Variants in CTNND2 observed in about 807,000 individuals in gnomAD.
CTNND2 encodes the protein catenin delta 2.
In CTNND2, 22 loss-of-function variants were observed where a neutral mutation model predicts 144.4. The observed-to-expected ratio is 0.15, with a 90% CI of 0.11 to 0.22. CTNND2 has a LOEUF of 0.22. Among genes scored for constraint, CTNND2 ranks in the 10% least tolerant of loss-of-function variants. The pLI, the probability that CTNND2 is intolerant of heterozygous loss-of-function variation, is 1.00. For missense variants in CTNND2, 1,353 were observed against 1,618.8 expected, an observed-to-expected ratio of 0.84 and a Z score of 2.82; for synonymous variants, 751 against 695.6, an observed-to-expected ratio of 1.08 and a Z score of -1.25.
chr5:11,899,362 T>A (rs1343219021), intron 1 of CTNND2, among the ~76,000 whole-genome samples: 1 of 152,228 alleles, frequency 6.6e-6, no homozygotes, highest in East Asian at 1.9e-4. Flanking sequence ...ATAAAGAATA[T>A]CAAAGTTTTG....
intron 7 of CTNND2, among the ~76,000 whole-genome samples, chr5:11,381,979 A>C (rs113837925): frequency 1.1e-5 from 1 of 91,370 alleles, no homozygotes; most frequent in South Asian, 4.6e-4. Flanking sequence ...AAAAACAAAA[A>C]AACAAAACAA....
At chr5:11,453,849 T>C (rs973494531) in intron 3 of CTNND2, among the ~76,000 whole-genome samples, 1 of 152,232 alleles carries the variant, frequency 6.6e-6, no homozygotes, top group African/African-American at 2.4e-5. Context: ...CCAGGATTTA[T>C]ACTACTCTTC....
At chr5:11,521,934 C>A (rs1158516957) in intron 3 of CTNND2, among the ~76,000 whole-genome samples, 1 of 152,122 alleles carries the variant, frequency 6.6e-6, no homozygotes, top group Non-Finnish European at 1.5e-5. Context: ...TTGCTGATAA[C>A]TGATTACATA....
chr5:11,320,469 A>C, intron 9 of CTNND2, among the ~76,000 whole-genome samples: 1 of 152,208 alleles, frequency 6.6e-6, no homozygotes, highest in East Asian at 1.9e-4. Flanking sequence ...ACTGAAAAGG[A>C]AAAAGTATTG....
intron 9 of CTNND2, among the ~76,000 whole-genome samples, chr5:11,302,522 A>C (rs1749720813): frequency 6.6e-6 from 1 of 152,226 alleles, no homozygotes; most frequent in Non-Finnish European, 1.5e-5. Flanking sequence ...GGAACGCAAC[A>C]AACCCGGTAA....
chr5:11,768,057 T>C (rs112661503), intron 1 of CTNND2, among the ~76,000 whole-genome samples: 2,107 of 152,038 alleles, frequency 0.014, 23 homozygotes, highest in Middle Eastern at 0.02. Flanking sequence ...ACCTGCCTTA[T>C]CACACTAATT....
At chr5:11,313,650 G>A (rs1230433897) in intron 9 of CTNND2, among the ~76,000 whole-genome samples, 1 of 152,202 alleles carries the variant, frequency 6.6e-6, no homozygotes, top group East Asian at 1.9e-4. Flanking sequence ...AGAATTAGGG[G>A]CCTGGAGAAT....
intron 18 of CTNND2, among the ~76,000 whole-genome samples, chr5:10,998,150 T>C (rs148262690): frequency 2.6e-5 from 4 of 152,304 alleles, no homozygotes; most frequent in Admixed American, 2.0e-4. Context: ...AAATCAAATA[T>C]GGAAAATGCA....
At chr5:11,684,019 T>G (rs76860915) in intron 2 of CTNND2, among the ~76,000 whole-genome samples, 1 of 152,224 alleles carries the variant, frequency 6.6e-6, no homozygotes, top group Non-Finnish European at 1.5e-5. Context: ...GACCTAATAA[T>G]ATACCATTAT....
intron 1 of CTNND2, among the ~76,000 whole-genome samples, chr5:11,787,789 T>A (rs990908421): frequency 1.3e-5 from 2 of 152,194 alleles, no homozygotes; most frequent in African/African-American, 2.4e-5. Flanking sequence ...TTTTAGTAGG[T>A]AAAGATAAAA....
At chr5:11,042,685 T>C (rs1017198861) in intron 16 of CTNND2, among the ~76,000 whole-genome samples, 17 of 152,160 alleles carry the variant, frequency 1.1e-4, no homozygotes, top group Admixed American at 2.0e-4. Context: ...TACCGGGAAG[T>C]CTTTGGTGGC....
intron 2 of CTNND2, among the ~76,000 whole-genome samples, chr5:11,634,749 A>G (rs1411425601): frequency 6.6e-6 from 1 of 152,206 alleles, no homozygotes; most frequent in Non-Finnish European, 1.5e-5. Context: ...AAATGAGTCA[A>G]TGATGGAAAG....
At chr5:11,796,534 T>G (rs897729038) in intron 1 of CTNND2, among the ~76,000 whole-genome samples, 2 of 152,224 alleles carry the variant, frequency 1.3e-5, no homozygotes, top group African/African-American at 4.8e-5. Context: ...CCTATAACAT[T>G]GCTAAAACCT....
intron 10 of CTNND2, among the ~76,000 whole-genome samples, chr5:11,226,846 A>G (rs1580641699): frequency 6.6e-6 from 1 of 152,182 alleles, no homozygotes; most frequent in African/African-American, 2.4e-5. Context: ...CTGCTGGATT[A>G]TTGAGGTCAA....
At chr5:11,370,252 A>C (rs891839204) in intron 7 of CTNND2, among the ~76,000 whole-genome samples, 9 of 151,972 alleles carry the variant, frequency 5.9e-5, no homozygotes, top group Non-Finnish European at 1.3e-4. Context: ...TTCCTCAAAG[A>C]ATCATCTAGA....
intron 3 of CTNND2, among the ~76,000 whole-genome samples, chr5:11,553,805 A>G (rs1299965773): frequency 6.6e-6 from 1 of 152,162 alleles, no homozygotes; most frequent in Non-Finnish European, 1.5e-5. Context: ...CATTAGAGTT[A>G]GTTTTTGTAA....
rs1244774474 is a variant in CTNND2, at chr5:11,246,825, A to G, written c.1629-10002T>C. Among the ~76,000 whole-genome samples the G allele has an allele frequency of 3.9e-5, 6 of 152,028 alleles. No individual in the cohort carries two copies. In the East Asian group the frequency reaches 9.7e-4, roughly 25 times the overall value. ...TGGAGGGAACATTCCAGAACAGGAA[A>G]ACGGAAGTAACAAGCCTCTGAGGCA... is the stretch of plus-strand genomic sequence containing the variant. On this transcript the variant is annotated intron_variant, in intron 9 of 21. Coordinates refer to ENST00000304623, the MANE Select transcript of CTNND2 (RefSeq NM_001332.4).
intron 5 of CTNND2, among the ~76,000 whole-genome samples, chr5:11,401,537 C>G (rs949074419): frequency 6.6e-6 from 1 of 152,196 alleles, no homozygotes; most frequent in Non-Finnish European, 1.5e-5. Context: ...CATCTCCATA[C>G]TTATTTGACC....
intron 2 of CTNND2, among the ~76,000 whole-genome samples, chr5:11,580,625 T>C (rs1778354035): frequency 6.6e-6 from 1 of 152,212 alleles, no homozygotes; most frequent in Non-Finnish European, 1.5e-5. Context: ...TCATCATCCT[T>C]CTCCTTCAAG....
Sources: allele counts gnomAD v4.1 joint callset (sites outside exome capture counted in the v4.1 genomes callset), GRCh38; gene constraint gnomAD v4.1.1; transcripts MANE v1.5; gene names NCBI Gene and HGNC (gene_info 2026-07-23, HGNC 2026-07-21).